The following CDH23 variants were observed in gnomAD, a reference collection of about 807,000 sequenced individuals.
The protein encoded by CDH23 is cadherin related 23.
CDH23 carries 189 observed loss-of-function variants against 317.1 expected under a neutral mutation model. The observed-to-expected ratio is 0.60, with a 90% confidence interval of 0.53 to 0.67. The LOEUF (loss-of-function observed/expected upper bound fraction) is 0.67. Ranked by LOEUF, CDH23 falls within the 30% of genes least tolerant of loss-of-function variation. The pLI is 0.00. For synonymous variants in CDH23, 1,839 were observed against 1,876.8 expected (o/e 0.98, Z 0.52); for missense variants, 4,401 against 4,592.4 (o/e 0.96, Z 1.20).
chr10:71,519,788 CT>C (rs71018213), intron 6 of CDH23, among the ~76,000 whole-genome samples: 317 of 144,324 alleles, frequency 2.2e-3, no homozygotes, highest in Non-Finnish European at 2.2e-3. Context: ...TTTCTTTTTT[CT>C]TTTTTTTTTT....
At chr10:71,597,109 G>A (rs1859907794) in intron 9 of CDH23, among the ~76,000 whole-genome samples, 3 of 151,934 alleles carry the variant, frequency 2.0e-5, no homozygotes, top group South Asian at 4.1e-4. Flanking sequence ...TATATCATAG[G>A]CCCCACGCCA....
intron 2 of CDH23, among the ~76,000 whole-genome samples, chr10:71,441,249 T>C (rs900863271): frequency 1.3e-5 from 2 of 151,198 alleles, no homozygotes; most frequent in Non-Finnish European, 1.5e-5. Flanking sequence ...CTCACCCCGC[T>C]CCCCCCCTGC....
intron 6 of CDH23, among the ~76,000 whole-genome samples, chr10:71,552,256 A>G (rs1376575699): frequency 2.6e-5 from 4 of 152,202 alleles, no homozygotes; most frequent in African/African-American, 4.8e-5. Context: ...GGGTTGTCAC[A>G]TTGATGTCTC....
At chr10:71,486,704 G>A (rs1852367340) in intron 3 of CDH23, among the ~76,000 whole-genome samples, 1 of 152,198 alleles carries the variant, frequency 6.6e-6, no homozygotes, top group African/African-American at 2.4e-5. Context: ...CTGACCTGGT[G>A]TGTCAAACTC....
At chr10:71,780,321 C>CT (rs1840918446) in intron 41 of CDH23, among the ~76,000 whole-genome samples, 1 of 152,130 alleles carries the variant, frequency 6.6e-6, no homozygotes, top group Admixed American at 6.5e-5. Context: ...AAGTAGATGA[C>CT]TTAGTATACT....
chr10:71,677,790 A>C, intron 16 of CDH23, 97 bp downstream of exon 16: 5 of 1,024,252 alleles, frequency 4.9e-6, no homozygotes, highest in Non-Finnish European at 7.2e-6. Context: ...TTTATGAGAC[A>C]GGTCTCACTC....
chr10:71,814,942 C>A lies in CDH23; in HGVS notation c.9739-10C>A. 6.2e-7 allele frequency: 1 copy of A among 1,601,748 alleles called. No homozygotes were observed. ...GGCCCTGAGCATGTGGGGGTCCCGG[C>A]CTCTTGCAGCTGATACAGACTGAGC... is the stretch of plus-strand genomic sequence containing the variant. On this transcript the variant is annotated splice_polypyrimidine_tract_variant and intron_variant, in intron 69 of 69. Transcript: ENST00000224721.
At chr10:71,694,399 A>G in intron 21 of CDH23, 140 bp downstream of exon 21, 1 of 644,866 alleles carries the variant, frequency 1.6e-6, no homozygotes, top group Non-Finnish European at 2.7e-6. Flanking sequence ...TGAACCCATC[A>G]GCAGCAGAGG....
intron 11 of CDH23, among the ~76,000 whole-genome samples, chr10:71,625,191 G>A (rs992569736): frequency 6.6e-6 from 1 of 151,832 alleles, no homozygotes; most frequent in East Asian, 1.9e-4. Context: ...TCAGTCACAG[G>A]GCTCAAATCC....
intron 6 of CDH23, among the ~76,000 whole-genome samples, chr10:71,537,137 G>A (rs968953478): frequency 1.3e-5 from 2 of 151,988 alleles, no homozygotes; most frequent in Non-Finnish European, 2.9e-5. Context: ...TGAGGGCCTG[G>A]GGGTGAAAGC....
intron 1 of CDH23, among the ~76,000 whole-genome samples, chr10:71,420,506 ATGGTGATGATGGTGAAGG>A (rs1848745660): frequency 3.8e-5 from 1 of 26,440 alleles, no homozygotes; most frequent in Non-Finnish European, 9.4e-5. Flanking sequence ...GGTAATGGTG[ATGGTGATGATGGTGAAGG>A]TGATGATGAT....
At chr10:71,624,489 A>G (rs909317449) in intron 11 of CDH23, among the ~76,000 whole-genome samples, 20 of 152,198 alleles carry the variant, frequency 1.3e-4, no homozygotes, top group Admixed American at 7.9e-4. Context: ...CAGAGCGTCT[A>G]TCAGGATTAA....
At chr10:71,690,382 G>A (rs750702501) in intron 19 of CDH23, 86 bp from the exon 20 acceptor site, 79 of 980,546 alleles carry the variant, frequency 8.1e-5, no homozygotes, top group Non-Finnish European at 1.0e-4. Context: ...TTGGGCCAGC[G>A]CAAATGCTGC....
At chr10:71,725,347 C>G (rs1251537473) in intron 29 of CDH23, 25 bp from the exon 30 acceptor site, 1 of 1,613,878 alleles carries the variant, frequency 6.2e-7, no homozygotes, top group Admixed American at 1.7e-5. Context: ...GGCCGGTGTT[C>G]CAGGGGGTCT....
chr10:71,703,821 G>A (rs1250937999), intron 24 of CDH23, among the ~76,000 whole-genome samples: 4 of 152,244 alleles, frequency 2.6e-5, no homozygotes, highest in African/African-American at 9.6e-5. Flanking sequence ...CGGAGGGGAG[G>A]CGGGGTGAGA....
intron 38 of CDH23, among the ~76,000 whole-genome samples, chr10:71,770,913 C>G (rs1327784764): frequency 1.3e-5 from 2 of 152,158 alleles, no homozygotes; most frequent in Non-Finnish European, 2.9e-5. Context: ...CAGGGACTGG[C>G]CTCAAGGCTG....
chr10:71,685,680 G>A (rs933323442), intron 18 of CDH23, among the ~76,000 whole-genome samples: 13 of 152,276 alleles, frequency 8.5e-5, no homozygotes, highest in Admixed American at 3.3e-4. Context: ...CTTCCCTTCC[G>A]AGTACACCCT....
At chr10:71,418,106 A>G (rs1428009819) in intron 1 of CDH23, among the ~76,000 whole-genome samples, 1 of 152,256 alleles carries the variant, frequency 6.6e-6, no homozygotes, top group Admixed American at 6.5e-5. Context: ...ATTGTCTTGA[A>G]CATATTAATC....
chr10:71,811,252 G>A, intron 62 of CDH23, 63 bp from the exon 63 acceptor site: 1 of 1,612,330 alleles, frequency 6.2e-7, no homozygotes, highest in Non-Finnish European at 8.5e-7. Flanking sequence ...CAGGAGCAGA[G>A]CAGACTGTCG....
Sources: gnomAD v4.1 joint callset for allele counts (sites outside exome capture counted in the v4.1 genomes callset) on GRCh38, gnomAD v4.1.1 for gene constraint, MANE v1.5 for transcripts, NCBI Gene and HGNC (gene_info 2026-07-23, HGNC 2026-07-21) for gene names.